The following GNG2 variants were observed in gnomAD, a reference collection of about 807,000 sequenced individuals.
The protein encoded by GNG2 is G protein subunit gamma 2.
Under a neutral mutation model 5.5 loss-of-function variants are expected in GNG2, and 5 were observed. That is an observed-to-expected ratio of 0.91 (90% CI 0.48 to 1.92). The LOEUF (loss-of-function observed/expected upper bound fraction) is 1.92. Among genes scored for constraint, GNG2 ranks in the 30% most tolerant of loss-of-function variants. GNG2 has a pLI of 0.01. For missense variants in GNG2, 55 were observed against 88.4 expected (o/e 0.62, Z 1.52); for synonymous variants, 28 against 32.0 (o/e 0.88, Z 0.42).
intron 2 of GNG2, among the ~76,000 whole-genome samples, chr14:51,910,958 C>T (rs552699405): frequency 2.0e-5 from 3 of 152,346 alleles, no homozygotes; most frequent in African/African-American, 7.2e-5. Flanking sequence ...CTACTTTCCT[C>T]CCGTTTGTCT....
intron 1 of GNG2, among the ~76,000 whole-genome samples, chr14:51,874,978 C>G (rs965796457): frequency 2.0e-5 from 3 of 151,928 alleles, no homozygotes; most frequent in Non-Finnish European, 2.9e-5. Flanking sequence ...GTAATTCATA[C>G]TGATTATTGA....
chr14:51,863,559 A>AT (rs748023254), intron 1 of GNG2, among the ~76,000 whole-genome samples: 7 of 152,102 alleles, frequency 4.6e-5, no homozygotes, highest in Non-Finnish European at 7.4e-5. Context: ...CATTTTAACT[A>AT]TTTTTTTAAG....
At chr14:51,888,259 T>C (rs903797713) in intron 2 of GNG2, among the ~76,000 whole-genome samples, 2 of 152,186 alleles carry the variant, frequency 1.3e-5, no homozygotes, top group Admixed American at 6.5e-5. Context: ...TATACCACAA[T>C]ATGTTTATCT....
intron 2 of GNG2, among the ~76,000 whole-genome samples, chr14:51,937,973 C>T (rs75294185): frequency 0.032 from 4,908 of 152,210 alleles, 192 homozygotes; most frequent in East Asian, 0.14. Context: ...TAACGAACAA[C>T]GAAAAGTGTC....
intron 2 of GNG2, among the ~76,000 whole-genome samples, chr14:51,837,219 A>T (rs564825568): frequency 1.3e-5 from 2 of 152,376 alleles, no homozygotes; most frequent in East Asian, 3.9e-4. Context: ...TGAAAGAAAC[A>T]TACCTCATTT....
chr14:51,831,033 T>A (rs1881174599), intron 2 of GNG2, among the ~76,000 whole-genome samples: 1 of 152,186 alleles, frequency 6.6e-6, no homozygotes, highest in African/African-American at 2.4e-5. Context: ...AACCCACAAA[T>A]GCACCAGGCA....
intron 2 of GNG2, among the ~76,000 whole-genome samples, chr14:51,942,715 G>C (rs1257627352): frequency 6.7e-6 from 1 of 149,518 alleles, no homozygotes; most frequent in Non-Finnish European, 1.5e-5. Context: ...TGTGCCACCA[G>C]ACCCGGTTAG....
intron 2 of GNG2, among the ~76,000 whole-genome samples, chr14:51,922,225 T>G (rs545832752): frequency 1.1e-4 from 17 of 152,352 alleles, no homozygotes; most frequent in African/African-American, 4.1e-4. Context: ...GAGAAACTAC[T>G]TTTTCTGTGA....
chr14:51,867,719 T>G (rs371013467), intron 1 of GNG2, among the ~76,000 whole-genome samples: 2 of 152,156 alleles, frequency 1.3e-5, no homozygotes, highest in East Asian at 3.8e-4. Flanking sequence ...CAGTCTTACT[T>G]CTCTGAATAA....
chr14:51,942,589 C>CTTTCTTTCTTTCTTTTTTTTTT (rs761049973), intron 2 of GNG2, among the ~76,000 whole-genome samples: 4 of 81,126 alleles, frequency 4.9e-5, no homozygotes, highest in African/African-American at 1.8e-4. Context: ...TTCTTTCTTT[C>CTTTCTTTCTTTCTTTTTTTTTT]TTTTTTTTTT....
intron 1 of GNG2, among the ~76,000 whole-genome samples, chr14:51,827,231 G>A (rs1881053135): frequency 6.6e-6 from 1 of 152,204 alleles, no homozygotes; most frequent in Non-Finnish European, 1.5e-5. Flanking sequence ...AGCCTTCCAG[G>A]TAATTCTAAC....
chr14:51,835,231 G>C (rs1362720820), intron 2 of GNG2, among the ~76,000 whole-genome samples: 2 of 152,186 alleles, frequency 1.3e-5, no homozygotes, highest in African/African-American at 4.8e-5. Flanking sequence ...TGAACTAATT[G>C]AATCACAGAA....
At chr14:51,890,509 G>A (rs1884776915) in intron 2 of GNG2, among the ~76,000 whole-genome samples, 1 of 152,092 alleles carries the variant, frequency 6.6e-6, no homozygotes, top group African/African-American at 2.4e-5. Flanking sequence ...ATTTTCCCAA[G>A]GTGACTTGGA....
chr14:51,930,552 G>A (rs1016651452), intron 2 of GNG2, among the ~76,000 whole-genome samples: 1 of 152,094 alleles, frequency 6.6e-6, no homozygotes, highest in Non-Finnish European at 1.5e-5. Flanking sequence ...CTGCAAAATC[G>A]GTTTCTTGTT....
At chr14:51,923,435 A>T (rs906293115) in intron 2 of GNG2, among the ~76,000 whole-genome samples, 1 of 152,126 alleles carries the variant, frequency 6.6e-6, no homozygotes, top group African/African-American at 2.4e-5. Flanking sequence ...TTCCCCATAC[A>T]TACACAAATA....
At chr14:51,899,643 C>T (rs1398261637) in intron 2 of GNG2, among the ~76,000 whole-genome samples, 3 of 152,308 alleles carry the variant, frequency 2.0e-5, no homozygotes, top group South Asian at 2.1e-4. Flanking sequence ...AAACCTGACA[C>T]TCTGTTTTAA....
At chr14:51,843,581 A>AC (rs1298575147) in intron 2 of GNG2, among the ~76,000 whole-genome samples, 1 of 26,800 alleles carries the variant, frequency 3.7e-5, no homozygotes, top group African/African-American at 4.4e-5. Context: ...TAAAGTTAAA[A>AC]AAAAAAAAAA....
chr14:51,870,241 A>G (rs1002979446), intron 1 of GNG2, among the ~76,000 whole-genome samples: 1 of 151,018 alleles, frequency 6.6e-6, no homozygotes, highest in South Asian at 2.1e-4. Context: ...ACCTAAAAGA[A>G]AATATTAAGA....
At chr14:51,934,237 G>C (rs1004290721) in intron 2 of GNG2, among the ~76,000 whole-genome samples, 1 of 152,182 alleles carries the variant, frequency 6.6e-6, no homozygotes, top group Non-Finnish European at 1.5e-5. Flanking sequence ...AGTCCTGCTA[G>C]AGTCAAAGAA....
Sources: allele counts gnomAD v4.1 joint callset (sites outside exome capture counted in the v4.1 genomes callset), GRCh38; gene constraint gnomAD v4.1.1; transcripts MANE v1.5; gene names NCBI Gene and HGNC (gene_info 2026-07-23, HGNC 2026-07-21).